The following EP400 variants were observed in gnomAD, a reference collection of about 807,000 sequenced individuals.
EP400 encodes the protein E1A binding protein p400.
Under a neutral mutation model 354.1 loss-of-function variants are expected in EP400, and 105 were observed. The ratio of observed to expected loss-of-function variants is 0.30; its 90% CI spans 0.25 to 0.35. The LOEUF (loss-of-function observed/expected upper bound fraction) is 0.35. Ranked by LOEUF, EP400 falls within the 10% of genes least tolerant of loss-of-function variation. EP400 has a pLI of 1.00. For synonymous variants in EP400, 1,646 were observed against 1,716.9 expected, an observed-to-expected ratio of 0.96 and a Z score of 1.02; for missense variants, 3,280 against 4,121.0, an observed-to-expected ratio of 0.80 and a Z score of 5.59.
rs943519853 is a variant in EP400, at chr12:132,011,780, C to A, written c.3441+146C>A. The A allele has an allele frequency of 2.4e-4, 271 of 1,129,808 alleles. 5 individuals are homozygous for A. Among genetic ancestry groups the A allele is most frequent in the Middle Eastern group, 6.0e-4 (2 of 3,338 alleles). 70.0% of individuals were successfully genotyped at this position (1,129,808 alleles called of 1,614,324 possible). Reference sequence around the variant, plus strand: ...TGAGTTAACAGACCTTTATGTTGTTCCCCTCGAAAGCATAGACAATACCGC... The same window carrying A: ...TGAGTTAACAGACCTTTATGTTGTTACCCTCGAAAGCATAGACAATACCGC... On this transcript the variant is annotated intron_variant, in intron 16 of 52. Transcript: ENST00000389561.
intron 2 of EP400, among the ~76,000 whole-genome samples, chr12:131,975,228 C>A (rs1892431526): frequency 6.6e-6 from 1 of 152,138 alleles, no homozygotes; most frequent in Non-Finnish European, 1.5e-5. Flanking sequence ...ACAGTCCTCC[C>A]TGTCAGTGCT....
At chr12:131,982,983 AAAT>A (rs1204867799) in intron 5 of EP400, among the ~76,000 whole-genome samples, 5 of 149,650 alleles carry the variant, frequency 3.3e-5, no homozygotes, top group East Asian at 1.9e-4. Flanking sequence ...AAAAAAAAAA[AAAT>A]AATAATAATA....
chr12:131,954,570 C>G (rs1249075060), intron 1 of EP400, among the ~76,000 whole-genome samples: 1 of 151,792 alleles, frequency 6.6e-6, no homozygotes, highest in East Asian at 1.9e-4. Context: ...ATTAAAAATA[C>G]AAAAATTGGC....
At chr12:132,012,076 A>G (rs1855634731) in intron 16 of EP400, among the ~76,000 whole-genome samples, 1 of 152,244 alleles carries the variant, frequency 6.6e-6, no homozygotes, top group South Asian at 2.1e-4. Flanking sequence ...AACTTATTAA[A>G]GATTTTTGTC....
Position 132,017,706 on chromosome 12 carries a change from G to A in EP400, c.4095G>A (p.Glu1365=), listed in dbSNP as rs927921641. The A allele has an allele frequency of 3.1e-5, 48 of 1,524,798 alleles. No homozygotes were observed. The highest frequency in any genetic ancestry group is 3.6e-5 in the Non-Finnish European group (41 of 1,137,082). 94.5% of individuals were successfully genotyped at this position (1,524,798 alleles called of 1,614,324 possible). A position where few individuals can be genotyped will look rare whatever the true frequency, so the allele number is the denominator to read the frequency against. ...CATCTCTAATCCTGAAGGCACTGGA[G>A]AGAGATTTCTGGAAGGTAAGTGGAG... ...PSASLILKAL[E]RDFWKEADLS... Residue 1365 remains glutamate, a synonymous_variant, in exon 20 of 53, where the codon GAG becomes GAA. Coordinates refer to ENST00000389561, the MANE Select transcript of EP400 (RefSeq NM_015409.5). This position sits in a 1 kb window ranked among gnomAD's most constrained non-coding sequence, Gnocchi z 5.0.
intron 39 of EP400, among the ~76,000 whole-genome samples, chr12:132,047,920 G>C (rs930100639): frequency 5.9e-5 from 9 of 152,160 alleles, no homozygotes; most frequent in Non-Finnish European, 1.3e-4. Context: ...CTCTTTCTCA[G>C]GATGTTCCTT....
intron 12 of EP400, among the ~76,000 whole-genome samples, chr12:131,997,909 G>A (rs538704390): frequency 1.3e-5 from 2 of 152,278 alleles, no homozygotes; most frequent in African/African-American, 4.8e-5. Flanking sequence ...AGGACTTACT[G>A]TAGTTGAATT....
intron 12 of EP400, among the ~76,000 whole-genome samples, chr12:131,999,434 G>T: frequency 6.6e-6 from 1 of 152,054 alleles, no homozygotes; most frequent in East Asian, 1.9e-4. Context: ...TTGTAGGTGG[G>T]TATTGCATGC....
rs61735941 is a variant in EP400 at position 131,991,441 on chromosome 12, A to C, written c.2664A>C (p.Leu888Phe). 6.2e-7 allele frequency: 1 copy of C among 1,614,112 alleles called. No individual in the cohort carries two copies. The change falls in exon 10 of 53, where the codon TTA becomes TTC. Residue 888 changes from leucine to phenylalanine, a missense_variant. By Grantham distance (22) the Leu-to-Phe change is conservative (BLOSUM62 0). Around this residue, in one of 20 missense-constraint regions of EP400, gnomAD observed 800 missense variants for 840.0 expected, o/e 0.95. Transcript: ENST00000389561. ...TGAGACCTAAAGGATTTGACGCATT[A>C]CAGGAAAGTTCTCTGGTAAGTTTGG... is the stretch of plus-strand genomic sequence containing the variant. The part of the protein sequence containing the change: ...KELRPKGFDA[L>F]QESSLDSGMS...
At chr12:132,007,802 C>A (rs1434567014) in intron 15 of EP400, among the ~76,000 whole-genome samples, 1 of 152,164 alleles carries the variant, frequency 6.6e-6, no homozygotes, top group Non-Finnish European at 1.5e-5. Context: ...TTAGGAGGGT[C>A]AGCTTAGGGA....
chr12:131,982,411 T>A lies in EP400; in HGVS notation c.1862T>A (p.Leu621Gln). The change falls in exon 5 of 53, where the codon CTG (leucine) becomes CAG (glutamine). Residue 621 changes from leucine to glutamine, a missense_variant. This residue lies in a region of EP400 where 800 missense variants were observed against 840.0 expected (regional missense o/e 0.95). Transcript: ENST00000389561. Reference protein sequence around the residue: ...LPIPPSQPAQLALHVPTPGKV... With the variant: ...LPIPPSQPAQQALHVPTPGKV... ...ATCCCTCCCTCGCAGCCTGCACAGC[T>A]GGCCCTCCACGTTCCCACACCTGGA... The A allele has an allele frequency of 6.2e-7, 1 of 1,614,086 alleles. No individual in the cohort carries two copies. Among genetic ancestry groups the A allele is most frequent in the Non-Finnish European group, 8.5e-7 (1 of 1,179,994 alleles).
chr12:132,037,606 A>G, intron 30 of EP400, 76 bp from the exon 31 acceptor site: 1 of 1,165,882 alleles, frequency 8.6e-7, no homozygotes, highest in Non-Finnish European at 1.3e-6. Context: ...GTTGATCACC[A>G]TCTGCATGCT....
intron 1 of EP400, among the ~76,000 whole-genome samples, 190 bp downstream of exon 1, chr12:131,950,226 C>G (rs1023277737): frequency 7.9e-5 from 12 of 151,990 alleles, no homozygotes; most frequent in Non-Finnish European, 8.8e-5. Flanking sequence ...GCTGAGGGCT[C>G]ACGGGCCCGG....
chr12:132,068,098 CA>C (rs1467453165), intron 50 of EP400: 1 of 152,374 alleles, frequency 6.6e-6, no homozygotes, highest in Non-Finnish European at 1.5e-5. Flanking sequence ...GGTGGTGAGA[CA>C]GCTCTGCCTC....
intron 24 of EP400, among the ~76,000 whole-genome samples, chr12:132,024,667 G>A (rs1484309167): frequency 6.6e-6 from 1 of 151,936 alleles, no homozygotes; most frequent in African/African-American, 2.4e-5. Flanking sequence ...AACACCCACA[G>A]CAGCCCCCGC....
intron 45 of EP400, among the ~76,000 whole-genome samples, chr12:132,056,425 GCACACACACACACA>G: frequency 6.7e-6 from 1 of 148,610 alleles, no homozygotes; most frequent in East Asian, 2.0e-4. Context: ...CACAACACAC[GCACACACACACACA>G]CACACACATT....
intron 23 of EP400, among the ~76,000 whole-genome samples, chr12:132,022,215 GC>G (rs1254511667): frequency 1.3e-5 from 2 of 152,252 alleles, no homozygotes; most frequent in African/African-American, 4.8e-5. Context: ...ACACTGTCTT[GC>G]GTGGGATGAG....
rs371013266 is a variant in EP400 at position 132,028,070 on chromosome 12, C to T, written c.5163C>T (p.Asn1721=). 61 of 1,614,088 alleles carry T rather than the reference C, an allele frequency of 3.8e-5. No homozygotes were observed. Among genetic ancestry groups the T allele is most frequent in the African/African-American group, 3.2e-4 (24 of 74,928 alleles). The change falls in exon 27 of 53, where the codon AAC becomes AAT. Residue 1721 remains asparagine, a synonymous_variant. Transcript: ENST00000389561. ...KERLDQIYLV[N]ERRCSQAPVY... Reference sequence around the variant, plus strand: ...GCCTGGATCAGATTTATTTAGTCAACGAGCGGCGCTGTTCTCAAGCTCCAG... The same window carrying T: ...GCCTGGATCAGATTTATTTAGTCAATGAGCGGCGCTGTTCTCAAGCTCCAG...
intron 5 of EP400, among the ~76,000 whole-genome samples, chr12:131,985,441 CAGAG>C (rs141689636): frequency 0.017 from 2,595 of 152,340 alleles, 73 homozygotes; most frequent in African/African-American, 0.059. Flanking sequence ...GACGGGCGCT[CAGAG>C]AGAGTGTGCT....
Sources: gnomAD v4.1 joint callset for allele counts (sites outside exome capture counted in the v4.1 genomes callset) on GRCh38, gnomAD v4.1.1 for gene constraint, gnomAD v4.1.1 regional missense constraint, Gnocchi (gnomAD v3.1) non-coding constraint, MANE v1.5 for transcripts, NCBI Gene and HGNC (gene_info 2026-07-23, HGNC 2026-07-21) for gene names.